XKR9: variants seen among roughly 807,000 people sequenced by gnomAD.
The protein encoded by XKR9 is XK related 9.
XKR9 carries 32 observed loss-of-function variants against 32.0 expected under a neutral mutation model. That is an observed-to-expected ratio of 1.00 (90% confidence interval 0.76 to 1.34). The LOEUF is 1.34. XKR9 is among the 40% of genes most tolerant of loss of function. The probability of loss-of-function intolerance (pLI) is 0.00; values close to 1 mark genes in which losing one functional copy is unlikely to be tolerated. For synonymous variants in XKR9, 168 were observed against 143.4 expected (o/e 1.17, Z -1.22); for missense variants, 546 against 429.7 (o/e 1.27, Z -2.39).
chr8:70,793,399 G>T (rs1436542662), downstream of XKR9, among the ~76,000 whole-genome samples: 1 of 151,970 alleles, frequency 6.6e-6, no homozygotes, highest in Non-Finnish European at 1.5e-5. Flanking sequence ...GAATTGGACT[G>T]GTGTATTTAT....
At chr8:70,809,947 A>G in the XKR9 span, among the ~76,000 whole-genome samples, 1 of 152,176 alleles carries the variant, frequency 6.6e-6, no homozygotes, top group Non-Finnish European at 1.5e-5. Context: ...GAACACCACA[A>G]AGATACTCCT....
the XKR9 span, among the ~76,000 whole-genome samples, chr8:70,899,708 A>G: frequency 6.6e-6 from 1 of 152,122 alleles, no homozygotes; most frequent in African/African-American, 2.4e-5. Flanking sequence ...TTTGGCTGTA[A>G]GTGTCACCAC....
the XKR9 span, among the ~76,000 whole-genome samples, chr8:70,882,137 G>A: frequency 6.6e-6 from 1 of 152,128 alleles, no homozygotes; most frequent in African/African-American, 2.4e-5. Context: ...GGGAGGGATA[G>A]CATTAAGAGA....
At chr8:70,823,547 G>C in the XKR9 span, among the ~76,000 whole-genome samples, 1 of 152,042 alleles carries the variant, frequency 6.6e-6, no homozygotes, top group African/African-American at 2.4e-5. Context: ...TTCTTTTTCT[G>C]CTTATCTCTG....
intron 3 of XKR9, among the ~76,000 whole-genome samples, chr8:70,695,813 A>G (rs1472563676): frequency 2.7e-5 from 4 of 147,894 alleles, no homozygotes; most frequent in Admixed American, 1.3e-4. Flanking sequence ...AAGTGTTCCT[A>G]TTTCTCCACA....
chr8:71,027,427 ATATT>A, the XKR9 span, among the ~76,000 whole-genome samples: 12 of 148,072 alleles, frequency 8.1e-5, no homozygotes, highest in African/African-American at 1.2e-4. Flanking sequence ...TATGAATAAT[ATATT>A]TAATAATACT....
the XKR9 span, among the ~76,000 whole-genome samples, chr8:71,062,065 T>C: frequency 6.6e-6 from 1 of 152,212 alleles, no homozygotes; most frequent in Non-Finnish European, 1.5e-5. Flanking sequence ...CCGGAACCAG[T>C]CCTTGGTCTT....
rs1246604912 is a variant in XKR9, at chr8:70,735,614, T to TC, written c.*1196dup. On this transcript the variant is annotated 3_prime_UTR_variant, in exon 5 of 5. Coordinates refer to ENST00000408926, the MANE Select transcript of XKR9 (RefSeq NM_001011720.2). Reference sequence around the variant, plus strand: ...ATCTCCTAAAGCTATCCCTCCCCCCTCCCCCCACCCCACAACAGTCCCCAG... The same window carrying TC: ...ATCTCCTAAAGCTATCCCTCCCCCCTCCCCCCCACCCCACAACAGTCCCCAG... The TC allele has an allele frequency of 1.8e-3, 129 of 72,136 alleles. 1 individual carries two copies. The highest frequency in any genetic ancestry group is 6.9e-3 in the African/African-American group (124 of 17,856). 4.5% of individuals were successfully genotyped at this position (72,136 alleles called of 1,614,324 possible). A position where few individuals can be genotyped will look rare whatever the true frequency, so the allele number is the denominator to read the frequency against.
At chr8:70,865,694 G>T in the XKR9 span, among the ~76,000 whole-genome samples, 1 of 152,124 alleles carries the variant, frequency 6.6e-6, no homozygotes, top group African/African-American at 2.4e-5. Context: ...GCAATGGCTG[G>T]AGTACTTCCA....
the XKR9 span, among the ~76,000 whole-genome samples, chr8:71,052,435 G>A: frequency 3.3e-5 from 5 of 152,084 alleles, no homozygotes; most frequent in Non-Finnish European, 7.4e-5. Flanking sequence ...AGGGCACTTC[G>A]TAGACACTAT....
At chr8:70,686,063 A>G (rs1023306707) in intron 3 of XKR9, among the ~76,000 whole-genome samples, 2 of 151,850 alleles carry the variant, frequency 1.3e-5, no homozygotes, top group Admixed American at 6.6e-5. Context: ...TGAAGAATCT[A>G]TTTTAACGTT....
chr8:70,699,144 C>G (rs1805411934), intron 3 of XKR9, among the ~76,000 whole-genome samples: 2 of 152,098 alleles, frequency 1.3e-5, no homozygotes, highest in Non-Finnish European at 2.9e-5. Flanking sequence ...ATCCAATTTG[C>G]CAGTCTGTCT....
At chr8:70,992,562 G>T in the XKR9 span, among the ~76,000 whole-genome samples, 2 of 152,178 alleles carry the variant, frequency 1.3e-5, no homozygotes, top group Non-Finnish European at 2.9e-5. Context: ...GGCTTTGTGA[G>T]ACCGGTGCAA....
At chr8:71,057,926 C>T in the XKR9 span, among the ~76,000 whole-genome samples, 6 of 152,066 alleles carry the variant, frequency 3.9e-5, no homozygotes, top group African/African-American at 7.2e-5. Context: ...GGCTTATGCC[C>T]GTAATCCCAA....
the XKR9 span, among the ~76,000 whole-genome samples, chr8:70,797,851 G>A: frequency 3.3e-5 from 5 of 152,022 alleles, no homozygotes; most frequent in South Asian, 2.1e-4. Context: ...AATGATGTCC[G>A]GCTGTATCCA....
the XKR9 span, among the ~76,000 whole-genome samples, chr8:70,799,331 T>C: frequency 6.6e-6 from 1 of 152,118 alleles, no homozygotes; most frequent in Non-Finnish European, 1.5e-5. Context: ...AGATTGCATT[T>C]ATTTATTTAT....
the XKR9 span, among the ~76,000 whole-genome samples, chr8:70,804,263 G>A: frequency 5.0e-4 from 76 of 152,258 alleles, no homozygotes; most frequent in Middle Eastern, 3.4e-3. Flanking sequence ...CTGCTGTTTG[G>A]GTATTTCCTG....
chr8:70,741,403 A>G (rs76101486), intron 2 of XKR9, among the ~76,000 whole-genome samples: 2 of 152,222 alleles, frequency 1.3e-5, no homozygotes, highest in African/African-American at 2.4e-5. Context: ...CTCTGAAACC[A>G]TTAGTGAAGT....
intron 2 of XKR9, among the ~76,000 whole-genome samples, chr8:70,772,683 G>T (rs985595538): frequency 6.6e-6 from 1 of 151,892 alleles, no homozygotes; most frequent in Non-Finnish European, 1.5e-5. Context: ...AAATACCATG[G>T]CAACTTTTAA....
Sources: allele counts gnomAD v4.1 joint callset (sites outside exome capture counted in the v4.1 genomes callset), GRCh38; gene constraint gnomAD v4.1.1; transcripts MANE v1.5; gene names NCBI Gene and HGNC (gene_info 2026-07-23, HGNC 2026-07-21).